EDA: variants seen among roughly 807,000 people sequenced by gnomAD.
The protein encoded by EDA is ectodysplasin-A.
In EDA, 2 loss-of-function variants were observed where a neutral mutation model predicts 23.6. The observed-to-expected ratio is 0.08, with a 90% CI of 0.03 to 0.27. EDA has a LOEUF of 0.27. Among genes scored for constraint, EDA ranks in the 10% least tolerant of loss-of-function variants. The pLI, the probability that EDA is intolerant of heterozygous loss-of-function variation, is 1.00. For missense variants in EDA, 229 were observed against 324.2 expected, an observed-to-expected ratio of 0.71 and a Z score of 2.26; for synonymous variants, 131 against 132.0, an observed-to-expected ratio of 0.99 and a Z score of 0.05.
intron 1 of EDA, among the ~76,000 whole-genome samples, chrX:69,796,090 G>T (rs1466270354): frequency 8.9e-6 from 1 of 111,859 alleles, no homozygotes; most frequent in Non-Finnish European, 1.9e-5. Context: ...GGCTCAGCCA[G>T]CTCATCATAG....
intron 1 of EDA, among the ~76,000 whole-genome samples, chrX:69,626,058 GA>G (rs1932374644): frequency 9.0e-6 from 1 of 110,934 alleles, no homozygotes; most frequent in South Asian, 3.8e-4. Flanking sequence ...ATAAATACAT[GA>G]AAACATGTTC....
chrX:69,824,540 A>G lies in EDA; in HGVS notation c.397-132487A>G, dbSNP rs757629062. Among the ~76,000 whole-genome samples, 32 of 109,459 alleles carry G rather than the reference A, an allele frequency of 2.9e-4. No individual in the cohort carries two copies. In the South Asian group the frequency reaches 0.01, roughly 36 times the overall value. On this transcript the variant is annotated intron_variant, in intron 1 of 7. Coordinates refer to ENST00000374552, the MANE Select transcript of EDA (RefSeq NM_001399.5). Reference sequence around the variant, plus strand: ...ATAAGAATGCTTGTGCTTTTTGTACATTGATTTTGTATCCTGAGACTTTGC... The same window carrying G: ...ATAAGAATGCTTGTGCTTTTTGTACGTTGATTTTGTATCCTGAGACTTTGC...
chrX:70,001,803 T>C (rs2019744441), intron 2 of EDA, among the ~76,000 whole-genome samples: 2 of 112,362 alleles, frequency 1.8e-5, no homozygotes, highest in South Asian at 7.4e-4. Flanking sequence ...TCCCAAGAGC[T>C]GGAGATGGAA....
At chrX:69,860,992 A>G in intron 1 of EDA, 1 of 508,706 alleles carries the variant, frequency 2.0e-6, no homozygotes, top group Non-Finnish European at 3.6e-6. Context: ...GCCATCTTCA[A>G]TAATAACTGT....
rs764110994 is a variant in EDA, at chrX:69,815,690, GGACA to G, written c.397-141334_397-141331del. ...CAGACAAATCTCTGATCTCTCCCTGGGACAGAGCTTCTGGGCATAGGGGCGGCTG... is the reference window on the plus strand; with the variant it reads ...CAGACAAATCTCTGATCTCTCCCTGGGAGCTTCTGGGCATAGGGGCGGCTG... On this transcript the variant is annotated intron_variant, in intron 1 of 7. Transcript: ENST00000374552. 3.6e-5 allele frequency among the ~76,000 whole-genome samples: 4 copies of G among 112,254 alleles called. 1 individual carries two copies. The South Asian group carries it at 1.5e-3, about 42-fold the overall frequency.
At chrX:69,734,218 A>G (rs1474376142) in intron 1 of EDA, among the ~76,000 whole-genome samples, 2 of 111,662 alleles carry the variant, frequency 1.8e-5, no homozygotes, top group African/African-American at 6.5e-5. Flanking sequence ...TGTCAAATAC[A>G]TGGACACAGT....
chrX:69,926,557 G>A (rs943700461), intron 1 of EDA, among the ~76,000 whole-genome samples: 1 of 112,022 alleles, frequency 8.9e-6, no homozygotes, highest in East Asian at 2.8e-4. Flanking sequence ...TGCATTTGCT[G>A]AGAAGTGTTT....
At chrX:69,832,333 G>T (rs1365891636) in intron 1 of EDA, among the ~76,000 whole-genome samples, 4 of 111,494 alleles carry the variant, frequency 3.6e-5, no homozygotes, top group African/African-American at 1.3e-4. Context: ...AATTGTCAAA[G>T]ATCAGATGGT....
intron 2 of EDA, among the ~76,000 whole-genome samples, chrX:70,017,048 CAA>C (rs201606796): frequency 9.8e-6 from 1 of 102,344 alleles, no homozygotes; most frequent in African/African-American, 3.5e-5. Context: ...AACAGAAATG[CAA>C]AAAAAAAAAT....
At chrX:69,663,382 T>A (rs1422377274) in intron 1 of EDA, among the ~76,000 whole-genome samples, 3 of 112,492 alleles carry the variant, frequency 2.7e-5, no homozygotes, top group African/African-American at 9.7e-5. Flanking sequence ...CAACTCGGCC[T>A]GTGACTTCAG....
intron 1 of EDA, among the ~76,000 whole-genome samples, chrX:69,842,317 A>G (rs1436480304): frequency 8.9e-6 from 1 of 112,114 alleles, no homozygotes; most frequent in Non-Finnish European, 1.9e-5. Flanking sequence ...GTCTAGTTGC[A>G]GGAAAACAAG....
intron 1 of EDA, among the ~76,000 whole-genome samples, chrX:69,823,712 T>G (rs950986240): frequency 2.1e-5 from 2 of 96,115 alleles, no homozygotes; most frequent in Admixed American, 1.2e-4. Context: ...TTAGATCCCA[T>G]TTGTCAATTT....
intron 1 of EDA, among the ~76,000 whole-genome samples, chrX:69,628,858 G>T (rs1932475800): frequency 9.0e-6 from 1 of 110,726 alleles, no homozygotes; most frequent in South Asian, 3.9e-4. Flanking sequence ...TATCACTCTG[G>T]CTGTATTTGG....
chrX:69,649,848 A>C (rs775753266), intron 1 of EDA, among the ~76,000 whole-genome samples: 11 of 111,795 alleles, frequency 9.8e-5, no homozygotes, highest in African/African-American at 3.6e-4. Context: ...CGGCCTCCCA[A>C]AGTGCTGGGA....
intron 1 of EDA, among the ~76,000 whole-genome samples, chrX:69,933,306 A>C (rs2147678685): frequency 8.9e-6 from 1 of 111,840 alleles, no homozygotes; most frequent in East Asian, 2.8e-4. Context: ...TTAATTTGTA[A>C]AACTTGTTTT....
chrX:69,898,490 G>A (rs1408112687), intron 1 of EDA, among the ~76,000 whole-genome samples: 4 of 110,771 alleles, frequency 3.6e-5, no homozygotes, highest in African/African-American at 9.9e-5. Context: ...GCTGAGACAC[G>A]AGAATCGCTT....
chrX:69,745,860 C>T (rs2013601965), intron 1 of EDA, among the ~76,000 whole-genome samples: 1 of 110,978 alleles, frequency 9.0e-6, no homozygotes, highest in Non-Finnish European at 1.9e-5. Flanking sequence ...TGGTAGTGGG[C>T]ACCTGTAATC....
intron 1 of EDA, among the ~76,000 whole-genome samples, chrX:69,789,157 A>G (rs2015315832): frequency 8.9e-6 from 1 of 112,104 alleles, no homozygotes; most frequent in Admixed American, 9.4e-5. Context: ...GGGCTCATGC[A>G]TGGTGCGTGC....
At chrX:69,824,148 T>C (rs1352282978) in intron 1 of EDA, among the ~76,000 whole-genome samples, 1 of 109,061 alleles carries the variant, frequency 9.2e-6, no homozygotes, top group Non-Finnish European at 1.9e-5. Context: ...TCCAGCTTTG[T>C]TCTTTTGGCT....
Sources: allele counts gnomAD v4.1 joint callset (sites outside exome capture counted in the v4.1 genomes callset), GRCh38; gene constraint gnomAD v4.1.1; transcripts MANE v1.5; gene names NCBI Gene and HGNC (gene_info 2026-07-23, HGNC 2026-07-21).